Variants in ESRRG observed in about 807,000 individuals in gnomAD.
ESRRG encodes the protein estrogen-related receptor gamma.
A neutral mutation model predicts 44.0 loss-of-function variants in ESRRG; 13 were observed. The observed-to-expected ratio is 0.30, with a 90% CI of 0.19 to 0.47. The LOEUF (loss-of-function observed/expected upper bound fraction) is 0.47. Among genes scored for constraint, ESRRG ranks in the 20% least tolerant of loss-of-function variants. The pLI is 1.00. For missense variants in ESRRG, 395 were observed against 580.6 expected, an observed-to-expected ratio of 0.68 and a Z score of 3.29; for synonymous variants, 215 against 214.6, an observed-to-expected ratio of 1.00 and a Z score of -0.02.
At chr1:216,879,188 T>C (rs536339217) in intron 2 of ESRRG, among the ~76,000 whole-genome samples, 256 of 152,272 alleles carry the variant, frequency 1.7e-3, no homozygotes, top group Non-Finnish European at 2.8e-3. Context: ...CCATCTGTCT[T>C]TGTCTCTAAA....
At chr1:217,104,076 C>T (rs1029141234) in intron 1 of ESRRG, among the ~76,000 whole-genome samples, 1 of 152,154 alleles carries the variant, frequency 6.6e-6, no homozygotes, top group Non-Finnish European at 1.5e-5. Context: ...AGCTTGGCAC[C>T]CAAAACATCC....
chr1:216,710,798 C>A (rs191821790), intron 1 of ESRRG, among the ~76,000 whole-genome samples: 3 of 152,078 alleles, frequency 2.0e-5, no homozygotes, highest in Non-Finnish European at 2.9e-5. Context: ...GCACTGCATG[C>A]GCCTAATAGC....
intron 5 of ESRRG, among the ~76,000 whole-genome samples, chr1:216,532,760 C>T (rs2049769435): frequency 6.6e-6 from 1 of 152,096 alleles, no homozygotes; most frequent in South Asian, 2.1e-4. Flanking sequence ...ATTGGGGAGG[C>T]CCAAGGGAAG....
At chr1:216,729,133 C>T (rs2088181488) in intron 2 of ESRRG, among the ~76,000 whole-genome samples, 1 of 152,136 alleles carries the variant, frequency 6.6e-6, no homozygotes, top group Admixed American at 6.5e-5. Context: ...ATAACAATAA[C>T]AATCTTATAG....
At chr1:216,846,036 G>A (rs75287233) in intron 2 of ESRRG, among the ~76,000 whole-genome samples, 2,934 of 152,078 alleles carry the variant, frequency 0.019, 107 homozygotes, top group African/African-American at 0.068. Context: ...ATTCCTGATC[G>A]TAAAAATAAT....
chr1:216,587,042 CATT>C (rs2056790363), intron 3 of ESRRG, among the ~76,000 whole-genome samples: 2 of 152,148 alleles, frequency 1.3e-5, no homozygotes, highest in Admixed American at 6.5e-5. Context: ...ACAAATTAGA[CATT>C]ATAAATCCTA....
At chr1:216,790,546 A>T (rs180841063) in intron 2 of ESRRG, among the ~76,000 whole-genome samples, 9 of 152,166 alleles carry the variant, frequency 5.9e-5, no homozygotes, top group African/African-American at 2.2e-4. Flanking sequence ...TAAGGTTTGG[A>T]TAGGATTTTT....
chr1:216,597,441 T>C (rs1448065725), intron 3 of ESRRG, among the ~76,000 whole-genome samples: 1 of 152,140 alleles, frequency 6.6e-6, no homozygotes, highest in Non-Finnish European at 1.5e-5. Flanking sequence ...GATGGAAGGA[T>C]ATTTCAGTCA....
intron 3 of ESRRG, among the ~76,000 whole-genome samples, chr1:216,569,635 G>T (rs1163628552): frequency 7.9e-5 from 12 of 152,152 alleles, no homozygotes; most frequent in African/African-American, 2.4e-4. Flanking sequence ...ATATAAGGAC[G>T]ACTGCTTGGG....
intron 5 of ESRRG, among the ~76,000 whole-genome samples, chr1:216,522,957 T>C (rs1256954114): frequency 1.3e-5 from 2 of 152,174 alleles, no homozygotes; most frequent in African/African-American, 4.8e-5. Flanking sequence ...CTGTAATATT[T>C]AGCTATCTTT....
Position 216,677,168 on chromosome 1 carries a change from A to T in ESRRG, c.380T>A (p.Leu127Gln). ...AGCGATGTCACCACACACTAAACAC[A>T]GTCTCTTGGGCATCGAGTTGAGCAT... ...EYMLNSMPKR[L>Q]CLVCGDIASG... The change falls in exon 2 of 7, where the codon CTG becomes CAG. Residue 127 changes from leucine to glutamine, a missense_variant. Around this residue, in one of 5 missense-constraint regions of ESRRG, gnomAD observed 35 missense variants for 120.1 expected, o/e 0.29. Coordinates refer to ENST00000408911, the MANE Select transcript of ESRRG (RefSeq NM_001438.4). The T allele has an allele frequency of 6.2e-7, 1 of 1,614,104 alleles. No individual in the cohort carries two copies.
intron 2 of ESRRG, among the ~76,000 whole-genome samples, chr1:216,803,092 T>C (rs1216341594): frequency 2.0e-5 from 3 of 152,046 alleles, no homozygotes; most frequent in Non-Finnish European, 2.9e-5. Flanking sequence ...AAGGGCCACA[T>C]TTCACCATTC....
chr1:216,506,918 G>C lies in ESRRG; in HGVS notation c.*21C>G. 6.2e-7 allele frequency: 1 copy of C among 1,602,578 alleles called. No homozygotes were observed. The highest frequency in any genetic ancestry group is 8.5e-7 in the Non-Finnish European group (1 of 1,175,000). ...TTCCCTTTTTCAACATGAAGGATGG[G>C]AAGGCCCAGGGAGCTTTTAGTCAGA... On this transcript the variant is annotated 3_prime_UTR_variant, in exon 7 of 7. Transcript: ENST00000408911.
At chr1:216,661,919 G>A (rs1372151843) in intron 2 of ESRRG, among the ~76,000 whole-genome samples, 1 of 152,154 alleles carries the variant, frequency 6.6e-6, no homozygotes, top group African/African-American at 2.4e-5. Context: ...TAACATACTG[G>A]AGTCAAATTG....
intron 2 of ESRRG, among the ~76,000 whole-genome samples, chr1:216,757,476 G>A (rs2092520063): frequency 6.6e-6 from 1 of 151,732 alleles, no homozygotes; most frequent in Non-Finnish European, 1.5e-5. Flanking sequence ...CATGGCCTTT[G>A]ACAATTTTTT....
chr1:216,755,345 A>T (rs978711750), intron 2 of ESRRG, among the ~76,000 whole-genome samples: 1 of 151,964 alleles, frequency 6.6e-6, no homozygotes, highest in Non-Finnish European at 1.5e-5. Flanking sequence ...CCTTCATTCC[A>T]CCTAGACCAG....
chr1:216,543,380 C>T (rs754775886), intron 5 of ESRRG, among the ~76,000 whole-genome samples: 6 of 151,982 alleles, frequency 3.9e-5, no homozygotes, highest in Non-Finnish European at 8.8e-5. Context: ...ATCCAAGAAA[C>T]TTCTTCCATG....
intron 3 of ESRRG, among the ~76,000 whole-genome samples, chr1:216,620,981 G>A (rs1574247819): frequency 6.6e-6 from 1 of 152,236 alleles, no homozygotes; most frequent in African/African-American, 2.4e-5. Context: ...ATCATGTTTG[G>A]ACACCAGACG....
At chr1:216,970,100 T>G (rs992975893) in intron 1 of ESRRG, among the ~76,000 whole-genome samples, 1 of 152,068 alleles carries the variant, frequency 6.6e-6, no homozygotes, top group Non-Finnish European at 1.5e-5. Flanking sequence ...TACAACCCCA[T>G]AGCTTTTCAC....
Sources: allele counts gnomAD v4.1 joint callset (sites outside exome capture counted in the v4.1 genomes callset), GRCh38; gene constraint gnomAD v4.1.1; regional missense constraint gnomAD v4.1.1; transcripts MANE v1.5; gene names NCBI Gene and HGNC (gene_info 2026-07-23, HGNC 2026-07-21).